KCNJ1: variants seen among roughly 807,000 people sequenced by gnomAD.
KCNJ1 encodes ATP-sensitive inward rectifier potassium channel 1.
In KCNJ1, 24 loss-of-function variants were observed where a neutral mutation model predicts 21.9. That is an observed-to-expected ratio of 1.10 (90% CI 0.79 to 1.54). The LOEUF (loss-of-function observed/expected upper bound fraction) is 1.54. Ranked by LOEUF, KCNJ1 falls within the 40% of genes most tolerant of loss-of-function variation. The pLI is 0.00. For missense variants in KCNJ1, 457 were observed against 455.4 expected (o/e 1.00, Z -0.03); for synonymous variants, 152 against 160.9 (o/e 0.94, Z 0.42).
intron 1 of KCNJ1, among the ~76,000 whole-genome samples, chr11:128,854,951 C>T (rs1038494489): frequency 1.3e-5 from 2 of 152,192 alleles, no homozygotes; most frequent in African/African-American, 4.8e-5. Flanking sequence ...CACGTGCAGG[C>T]TCCCCACTGA....
intron 2 of KCNJ1, chr11:128,842,235 C>T (rs1454961503): frequency 1.0e-6 from 1 of 992,056 alleles, no homozygotes; most frequent in African/African-American, 1.6e-5. Flanking sequence ...TTTCATTTTA[C>T]TTTTAAAGGT....
intron 2 of KCNJ1, among the ~76,000 whole-genome samples, chr11:128,844,811 A>T (rs552015309): frequency 6.6e-6 from 1 of 152,318 alleles, no homozygotes; most frequent in African/African-American, 2.4e-5. Flanking sequence ...CTTCTGATTT[A>T]GAATTAAAAG....
rs746292586 is a variant in KCNJ1, at chr11:128,839,321, G to A, written c.923C>T (p.Pro308Leu). Residue 308 changes from proline to leucine, a missense_variant, in exon 3 of 3, where the codon CCC (proline) becomes CTC (leucine). Coordinates refer to ENST00000392666, the MANE Select transcript of KCNJ1 (RefSeq NM_153766.3). The stretch of plus-strand genomic sequence containing the variant: ...CCCTTCCTTTGTCTTGGATACTATG[G>A]GAGCAAAACGGTAGCCCCAAAGCAC... ...EEVLWGYRFA[P>L]IVSKTKEGKY... 3.7e-6 allele frequency: 6 copies of A among 1,614,102 alleles called. No individual in the cohort carries two copies. The highest frequency in any genetic ancestry group is 5.1e-6 in the Non-Finnish European group (6 of 1,180,020).
intron 2 of KCNJ1, among the ~76,000 whole-genome samples, chr11:128,848,958 A>T (rs1442175929): frequency 6.6e-6 from 1 of 152,202 alleles, no homozygotes; most frequent in Non-Finnish European, 1.5e-5. Context: ...GGGCTTCTGT[A>T]GTCTGCTGCC....
At chr11:128,840,774 C>T (rs1007132481) in intron 2 of KCNJ1, among the ~76,000 whole-genome samples, 1 of 152,178 alleles carries the variant, frequency 6.6e-6, no homozygotes, top group Admixed American at 6.5e-5. Context: ...CATCTATGTA[C>T]TTCTATTGAT....
At chr11:128,860,597 G>A (rs1004156996) in intron 1 of KCNJ1, among the ~76,000 whole-genome samples, 4 of 152,220 alleles carry the variant, frequency 2.6e-5, no homozygotes, top group African/African-American at 9.7e-5. Flanking sequence ...TTAGCCCACT[G>A]CCACCTCACG....
intron 1 of KCNJ1, among the ~76,000 whole-genome samples, chr11:128,855,086 G>T (rs1943561462): frequency 6.6e-6 from 1 of 152,144 alleles, no homozygotes. Context: ...AATCGATTAA[G>T]CCTGGAAAAC....
At position 128,839,048 on chromosome 11, in the gene KCNJ1, A is replaced by G; in HGVS notation, c.*77T>C. 1 of 1,370,258 alleles carries G rather than the reference A, an allele frequency of 7.3e-7. No individual in the cohort carries two copies. Among genetic ancestry groups the G allele is most frequent in the African/African-American group, 1.4e-5 (1 of 70,456 alleles). 84.9% of individuals were successfully genotyped at this position (1,370,258 alleles called of 1,614,324 possible). On this transcript the variant is annotated 3_prime_UTR_variant, in exon 3 of 3. Coordinates refer to ENST00000392666, the MANE Select transcript of KCNJ1 (RefSeq NM_153766.3). ...TCTCATCCTACTTTCGTACCCCTAA[A>G]TTGTTGACTGCTTCATAATGCTTCT... is the stretch of plus-strand genomic sequence containing the variant.
Position 128,839,187 on chromosome 11 carries a change from C to T in KCNJ1, c.1057G>A (p.Gly353Ser), listed in dbSNP as rs1288939045. 1 of 1,614,182 alleles carries T rather than the reference C, an allele frequency of 6.2e-7. No homozygotes were observed. Among genetic ancestry groups the T allele is most frequent in the South Asian group, 1.1e-5 (1 of 91,084 alleles). Residue 353 changes from glycine to serine, a missense_variant, in exon 3 of 3, where the codon GGC (glycine) becomes AGC (serine). Gly to Ser is a moderately conservative substitution (Grantham distance 56). Transcript: ENST00000392666. ...EKDVRARMKR[G>S]YDNPNFILSE... is the part of the protein sequence containing the mutation. ...AAGATGAAGTTGGGGTTGTCATAGC[C>T]TCTCTTCATCCTGGCTCTAACATCT...
At chr11:128,863,642 G>A (rs755031287) in intron 1 of KCNJ1, among the ~76,000 whole-genome samples, 2 of 152,176 alleles carry the variant, frequency 1.3e-5, no homozygotes, top group African/African-American at 2.4e-5. Context: ...GCTTTACAAT[G>A]ATTGTTCAAA....
At chr11:128,849,690 AC>A (rs1943448004) in intron 2 of KCNJ1, among the ~76,000 whole-genome samples, 1 of 152,200 alleles carries the variant, frequency 6.6e-6, no homozygotes, top group Non-Finnish European at 1.5e-5. Flanking sequence ...AGCTGAAGAT[AC>A]ACTGTCCAGC....
At chr11:128,862,335 T>C (rs1943730323) in intron 1 of KCNJ1, among the ~76,000 whole-genome samples, 2 of 152,152 alleles carry the variant, frequency 1.3e-5, no homozygotes, top group African/African-American at 4.8e-5. Context: ...TGAATTCTTA[T>C]GCACAATGGA....
intron 2 of KCNJ1, chr11:128,842,300 G>T: frequency 6.9e-7 from 1 of 1,458,572 alleles, no homozygotes; most frequent in Non-Finnish European, 9.6e-7. Flanking sequence ...CTTGAATAAC[G>T]TTGAGTTTCC....
intron 2 of KCNJ1, chr11:128,842,439 G>C: frequency 1.9e-6 from 3 of 1,613,726 alleles, no homozygotes; most frequent in Middle Eastern, 1.7e-4. Flanking sequence ...GCAAGGAAGT[G>C]GTGCTGGTTG....
rs1591407222 is a variant in KCNJ1 at position 128,842,406 on chromosome 11, G to A, written c.-21-2142C>T. On this transcript the variant is annotated intron_variant, in intron 2 of 2. Transcript: ENST00000392666. ...CCAACGTGTCAAACACATTCCGACT[G>A]GAAGCATTCATGGCTGGAAAAAGCA... The A allele has an allele frequency of 6.2e-7, 1 of 1,613,822 alleles. No individual in the cohort carries two copies. The highest frequency in any genetic ancestry group is 8.5e-7 in the Non-Finnish European group (1 of 1,179,748).
intron 1 of KCNJ1, among the ~76,000 whole-genome samples, chr11:128,857,941 A>G (rs1943618097): frequency 6.6e-6 from 1 of 152,234 alleles, no homozygotes; most frequent in Non-Finnish European, 1.5e-5. Context: ...CATTTTTAAA[A>G]ACTACCTAAT....
rs912472156 is a variant in KCNJ1 at position 128,865,035 on chromosome 11, C to T, written c.-192+2138G>A. Among the ~76,000 whole-genome samples, 5 of 152,206 alleles carry T rather than the reference C, an allele frequency of 3.3e-5. No homozygotes were observed. The South Asian group carries it at 1.0e-3, about 32-fold the overall frequency. On this transcript the variant is annotated intron_variant, in intron 1 of 2. Transcript: ENST00000392666. The stretch of plus-strand genomic sequence containing the variant: ...ACCCTGCAGCTTCCCTCACCCCTCC[C>T]CTGGCCACCCACCCTCAGCCACACC...
intron 1 of KCNJ1, among the ~76,000 whole-genome samples, chr11:128,862,589 T>C (rs1943737691): frequency 6.6e-6 from 1 of 152,216 alleles, no homozygotes; most frequent in African/African-American, 2.4e-5. Context: ...GCCAGTTCGC[T>C]GATGTGTCAT....
intron 1 of KCNJ1, among the ~76,000 whole-genome samples, chr11:128,857,513 G>C (rs963828945): frequency 6.6e-6 from 1 of 152,194 alleles, no homozygotes; most frequent in African/African-American, 2.4e-5. Context: ...CCCTGGGCTG[G>C]GAGTGCCACA....
Sources: gnomAD v4.1 joint callset for allele counts (sites outside exome capture counted in the v4.1 genomes callset) on GRCh38, gnomAD v4.1.1 for gene constraint, MANE v1.5 for transcripts, NCBI Gene and HGNC (gene_info 2026-07-23, HGNC 2026-07-21) for gene names.